Variants in SFXN4 observed in about 807,000 individuals in gnomAD.
SFXN4 encodes the protein sideroflexin 4.
Under a neutral mutation model 54.6 loss-of-function variants are expected in SFXN4, and 48 were observed. That is an observed-to-expected ratio of 0.88 (90% CI 0.70 to 1.12). The LOEUF is 1.12. Ranked by LOEUF, SFXN4 falls within the 50% of genes most tolerant of loss-of-function variation. The pLI is 0.00. For missense variants in SFXN4, 383 were observed against 409.2 expected (o/e 0.94, Z 0.55); for synonymous variants, 130 against 145.5 (o/e 0.89, Z 0.77).
intron 12 of SFXN4, among the ~76,000 whole-genome samples, chr10:119,146,937 G>A (rs183863587): frequency 2.6e-5 from 4 of 152,110 alleles, no homozygotes; most frequent in Non-Finnish European, 2.9e-5. Context: ...CCACACTGGT[G>A]GGGGGGATGT....
chr10:119,156,487 G>T (rs1390932272), intron 10 of SFXN4, among the ~76,000 whole-genome samples, 191 bp downstream of exon 10: 1 of 152,166 alleles, frequency 6.6e-6, no homozygotes, highest in Non-Finnish European at 1.5e-5. Flanking sequence ...CCATTAATGT[G>T]GGTATCTACA....
chr10:119,154,433 T>C (rs1847197398), intron 11 of SFXN4, among the ~76,000 whole-genome samples: 1 of 152,168 alleles, frequency 6.6e-6, no homozygotes, highest in African/African-American at 2.4e-5. Context: ...ACACCTGTAA[T>C]CCCAGCACTT....
chr10:119,155,210 A>G (rs763495817), intron 10 of SFXN4, 33 bp from the exon 11 acceptor site: 7 of 1,450,202 alleles, frequency 4.8e-6, no homozygotes, highest in Non-Finnish European at 6.8e-6. Context: ...AACACCCAAG[A>G]CGGGGGTGAG....
intron 13 of SFXN4, among the ~76,000 whole-genome samples, chr10:119,145,674 T>A (rs992477786): frequency 6.6e-6 from 1 of 152,162 alleles, no homozygotes. Flanking sequence ...ATATAAAATA[T>A]AAAATATGTG....
intron 13 of SFXN4, among the ~76,000 whole-genome samples, chr10:119,142,586 TG>T (rs1448901682): frequency 6.9e-6 from 1 of 144,740 alleles, no homozygotes; most frequent in Non-Finnish European, 1.5e-5. Context: ...AGTCTCACTC[TG>T]TCACCCAGGC....
At position 119,158,033 on chromosome 10, in the gene SFXN4, C is replaced by T; in HGVS notation, c.390G>A (p.Gly130=). The T allele has an allele frequency of 6.2e-7, 1 of 1,614,124 alleles. No individual in the cohort carries two copies. The highest frequency in any genetic ancestry group is 8.5e-7 in the Non-Finnish European group (1 of 1,180,012). ...TVFLSMTPLK[G]IKSVILPQVF... is the part of the protein sequence containing the mutation. ...CCTGAGGTAAAATCACGGACTTGATCCCTTTCAGTGGCGTCATTGACAAAA... is the reference window on the plus strand; with the variant it reads ...CCTGAGGTAAAATCACGGACTTGATTCCTTTCAGTGGCGTCATTGACAAAA... Residue 130 remains glycine, a synonymous_variant, in exon 7 of 14, where the codon GGG becomes GGA. Coordinates refer to ENST00000355697, the MANE Select transcript of SFXN4 (RefSeq NM_213649.2).
chr10:119,148,407 T>C (rs1372883046), intron 11 of SFXN4, among the ~76,000 whole-genome samples: 1 of 152,116 alleles, frequency 6.6e-6, no homozygotes, highest in Non-Finnish European at 1.5e-5. Flanking sequence ...ATCCACTAAG[T>C]ACAAGCAAAG....
At chr10:119,153,699 G>A (rs1847165936) in intron 11 of SFXN4, among the ~76,000 whole-genome samples, 1 of 152,126 alleles carries the variant, frequency 6.6e-6, no homozygotes, top group African/African-American at 2.4e-5. Flanking sequence ...GGCAGATATT[G>A]GATTTGAAGA....
At chr10:119,164,531 G>A (rs953415575) in intron 1 of SFXN4, among the ~76,000 whole-genome samples, 2 of 152,054 alleles carry the variant, frequency 1.3e-5, no homozygotes, top group African/African-American at 2.4e-5. Flanking sequence ...TCTCACATAC[G>A]ACCTCGAAGC....
intron 13 of SFXN4, among the ~76,000 whole-genome samples, chr10:119,142,073 T>G (rs1464061031): frequency 1.3e-5 from 2 of 152,016 alleles, no homozygotes; most frequent in Non-Finnish European, 2.9e-5. Flanking sequence ...TGGTAGTACG[T>G]TCCTGTAGTC....
Position 119,165,583 on chromosome 10 carries a change from G to A in SFXN4, c.65C>T (p.Pro22Leu). The change falls in exon 1 of 14, where the codon CCC becomes CTC. Residue 22 changes from proline (P) to leucine (L), a missense_variant. Physicochemically the swap from Pro to Leu is moderately conservative, Grantham distance 98 (BLOSUM62 -3). Coordinates refer to ENST00000355697, the MANE Select transcript of SFXN4 (RefSeq NM_213649.2). The part of the protein sequence containing the change: ...GRLLGRRDAV[P>L]AFIEPNVRFW... ...GCGCACGTTGGGCTCAATGAAGGCGGGGACGGCGTCTCTGCGTCCTAGGAG... is the reference window on the plus strand; with the variant it reads ...GCGCACGTTGGGCTCAATGAAGGCGAGGACGGCGTCTCTGCGTCCTAGGAG... 6.3e-7 allele frequency: 1 copy of A among 1,594,078 alleles called. No homozygotes were observed. The highest frequency in any genetic ancestry group is 1.4e-5 in the African/African-American group (1 of 72,356).
intron 11 of SFXN4, among the ~76,000 whole-genome samples, chr10:119,149,059 C>T (rs1846940922): frequency 6.6e-6 from 1 of 151,970 alleles, no homozygotes; most frequent in South Asian, 2.1e-4. Context: ...GCTAACTTTT[C>T]GATTTTTTGT....
At position 119,160,465 on chromosome 10, in the gene SFXN4, G is replaced by A. The variant is rs192725847; in HGVS notation, c.334+450C>T. Among the ~76,000 whole-genome samples the A allele has an allele frequency of 2.6e-4, 38 of 145,972 alleles. No individual in the cohort carries two copies. The East Asian group carries it at 7.4e-3, about 28-fold the overall frequency. The stretch of plus-strand genomic sequence containing the variant: ...TGGGAGGCGGAGGTTGTAGTGAGCC[G>A]AGATTGTGCCACTGAACTCCAGCCT... On this transcript the variant is annotated intron_variant, in intron 5 of 13. Transcript: ENST00000355697.
At chr10:119,165,437 G>A (rs924941112) in intron 1 of SFXN4, 100 bp downstream of exon 1, 11 of 1,355,998 alleles carry the variant, frequency 8.1e-6, no homozygotes, top group Admixed American at 4.0e-5. Flanking sequence ...GAGACAGGGG[G>A]CGCCCACGTG....
intron 13 of SFXN4, among the ~76,000 whole-genome samples, chr10:119,144,065 G>A (rs1431159746): frequency 6.6e-6 from 1 of 152,094 alleles, no homozygotes; most frequent in East Asian, 1.9e-4. Flanking sequence ...CCTATAAAAC[G>A]TGGGTTCTGA....
intron 1 of SFXN4, 110 bp downstream of exon 1, chr10:119,165,427 G>C: frequency 2.2e-6 from 3 of 1,346,460 alleles, no homozygotes; most frequent in Non-Finnish European, 2.9e-6. Flanking sequence ...GGAGGAAACG[G>C]AGACAGGGGG....
chr10:119,156,323 G>A (rs1016800156), intron 10 of SFXN4, among the ~76,000 whole-genome samples: 7 of 152,192 alleles, frequency 4.6e-5, no homozygotes, highest in Non-Finnish European at 8.8e-5. Context: ...AGCTACTTGG[G>A]AGACTGAGGC....
At chr10:119,143,942 C>T (rs1304608523) in intron 13 of SFXN4, among the ~76,000 whole-genome samples, 1 of 152,122 alleles carries the variant, frequency 6.6e-6, no homozygotes, top group African/African-American at 2.4e-5. Context: ...GATGCTGCCT[C>T]GCTCCCCAAC....
chr10:119,143,353 G>A (rs977819941), intron 13 of SFXN4, among the ~76,000 whole-genome samples: 1 of 151,496 alleles, frequency 6.6e-6, no homozygotes, highest in Non-Finnish European at 1.5e-5. Context: ...GCAGGTGTGT[G>A]CCGCTTCACC....
Sources: allele counts gnomAD v4.1 joint callset (sites outside exome capture counted in the v4.1 genomes callset), GRCh38; gene constraint gnomAD v4.1.1; transcripts MANE v1.5; gene names NCBI Gene and HGNC (gene_info 2026-07-23, HGNC 2026-07-21).